Variants in ACSL1 observed in about 807,000 individuals in gnomAD.
The protein encoded by ACSL1 is acyl-CoA synthetase long chain family member 1.
Under a neutral mutation model 98.4 loss-of-function variants are expected in ACSL1, and 41 were observed. That is an observed-to-expected ratio of 0.42 (90% CI 0.32 to 0.54). The LOEUF (loss-of-function observed/expected upper bound fraction) is 0.54. Among genes scored for constraint, ACSL1 ranks in the 20% least tolerant of loss-of-function variants. The pLI is 0.13. For missense variants in ACSL1, 734 were observed against 883.1 expected (o/e 0.83, Z 2.14); for synonymous variants, 316 against 322.7 (o/e 0.98, Z 0.22).
intron 2 of ACSL1, among the ~76,000 whole-genome samples, chr4:184,796,042 T>A (rs1045735942): frequency 1.6e-4 from 25 of 152,172 alleles, no homozygotes; most frequent in African/African-American, 5.8e-4. Flanking sequence ...CAAAGGAGAT[T>A]AACATTTGAG....
chr4:184,800,216 G>A (rs11936062), intron 2 of ACSL1, among the ~76,000 whole-genome samples: 3 of 152,006 alleles, frequency 2.0e-5, no homozygotes, highest in Non-Finnish European at 4.4e-5. Flanking sequence ...CTGTCACTTC[G>A]GTTTTCCATA....
intron 14 of ACSL1, among the ~76,000 whole-genome samples, chr4:184,765,286 G>A (rs1763419316): frequency 6.6e-6 from 1 of 152,186 alleles, no homozygotes; most frequent in African/African-American, 2.4e-5. Context: ...TCAGCATGGT[G>A]TGCGGGTAGG....
rs1359117734 is a variant in ACSL1, at chr4:184,767,007, T to C, written c.1129-251A>G. Among the ~76,000 whole-genome samples, 3 of 151,916 alleles carry C rather than the reference T, an allele frequency of 2.0e-5. No homozygotes were observed. The East Asian group carries it at 5.8e-4, about 29-fold the overall frequency. ...ATCGAGTAGGAATGTGTAGGCCAGG[T>C]GCGGTGGCCCACGCTTGTATTCCCA... is the stretch of plus-strand genomic sequence containing the variant. On this transcript the variant is annotated intron_variant, in intron 12 of 20. Coordinates refer to ENST00000281455, the MANE Select transcript of ACSL1 (RefSeq NM_001995.5).
In ACSL1 at chr4:184,803,237, G is replaced by T; in HGVS notation, c.195+83C>A. The T allele has an allele frequency of 1.6e-6, 2 of 1,239,404 alleles. No homozygotes were observed. The highest frequency in any genetic ancestry group is 1.7e-5 in the South Asian group (1 of 59,210). The allele number at this position is 1,239,404 out of a possible 1,614,324, so 76.8% of individuals were successfully genotyped here. On this transcript the variant is annotated intron_variant, in intron 2 of 20. Transcript: ENST00000281455. This position sits in a 1 kb window ranked among gnomAD's most constrained non-coding sequence, Gnocchi z 4.8. ...CAGTTATAAACAAATATTTGATCTT[G>T]ATGGCTATCACATTCAACAGGGCTC...
intron 1 of ACSL1, among the ~76,000 whole-genome samples, chr4:184,822,187 T>A (rs1254844808): frequency 6.6e-5 from 10 of 151,894 alleles, no homozygotes; most frequent in Non-Finnish European, 1.5e-4. Flanking sequence ...AGAGATGGGG[T>A]CTTGCTCTGT....
chr4:184,788,416 T>C (rs1329968969), intron 3 of ACSL1: 2 of 672,252 alleles, frequency 3.0e-6, no homozygotes, highest in African/African-American at 3.5e-5. Context: ...TATTTGACCA[T>C]GGAGCCCCCA....
chr4:184,773,076 G>A lies in ACSL1; in HGVS notation c.915+5C>T, dbSNP rs777504021. 1.2e-6 allele frequency: 2 copies of A among 1,613,140 alleles called. No homozygotes were observed. The highest frequency in any genetic ancestry group is 1.3e-5 in the African/African-American group (1 of 74,904). On this transcript the variant is annotated splice_donor_5th_base_variant and intron_variant, in intron 10 of 20. Transcript: ENST00000281455. This position sits in a 1 kb window ranked among gnomAD's most constrained non-coding sequence, Gnocchi z 4.3. The stretch of plus-strand genomic sequence containing the variant: ...AGGAAAGATGACGACATCCCAAAAA[G>A]TTACCTCTGTTGCTTTCACAAAAGC...
chr4:184,764,753 A>G, intron 15 of ACSL1, 100 bp downstream of exon 15: 1 of 1,067,070 alleles, frequency 9.4e-7, no homozygotes, highest in Non-Finnish European at 1.3e-6. Flanking sequence ...CTTTTGTTTA[A>G]GATGGTTAAT....
chr4:184,773,347 G>A lies in ACSL1; in HGVS notation c.842-193C>T, dbSNP rs1172510717. ...ATCTTTAAAAACCTTTATTAATATG[G>A]GCACATTTTAAAGGGTATATACGTA... On this transcript the variant is annotated intron_variant, in intron 9 of 20. Coordinates refer to ENST00000281455, the MANE Select transcript of ACSL1 (RefSeq NM_001995.5). The surrounding 1 kb of genome is among the most constrained non-coding windows in gnomAD (Gnocchi z 4.3). 6.6e-6 allele frequency among the ~76,000 whole-genome samples: 1 copy of A among 151,996 alleles called. No homozygotes were observed. The highest frequency in any genetic ancestry group is 2.4e-5 in the African/African-American group (1 of 41,358).
intron 1 of ACSL1, among the ~76,000 whole-genome samples, chr4:184,808,859 G>C (rs907197615): frequency 2.6e-5 from 4 of 152,318 alleles, no homozygotes; most frequent in Non-Finnish European, 4.4e-5. Context: ...GGAAAGCAGA[G>C]GTTGCTGTCC....
intron 1 of ACSL1, among the ~76,000 whole-genome samples, chr4:184,819,242 A>T (rs573800412): frequency 6.6e-6 from 1 of 150,944 alleles, no homozygotes; most frequent in South Asian, 2.1e-4. Context: ...TCCCAGGCTC[A>T]AGGGATTCTC....
intron 1 of ACSL1, among the ~76,000 whole-genome samples, chr4:184,819,225 C>G (rs1287847781): frequency 1.3e-5 from 2 of 151,602 alleles, no homozygotes; most frequent in Non-Finnish European, 2.9e-5. Flanking sequence ...TCACTGCAAC[C>G]TCTGCCTCCC....
intron 2 of ACSL1, chr4:184,798,149 G>A (rs979986062): frequency 6.6e-6 from 1 of 152,188 alleles, no homozygotes; most frequent in African/African-American, 2.4e-5. Flanking sequence ...TGTAAGATAT[G>A]AACCCATGCT....
At chr4:184,795,395 G>A (rs1006998509) in intron 2 of ACSL1, among the ~76,000 whole-genome samples, 5 of 152,206 alleles carry the variant, frequency 3.3e-5, no homozygotes, top group African/African-American at 1.2e-4. Context: ...TGTGAGAAGC[G>A]ACATCATTTG....
intron 2 of ACSL1, among the ~76,000 whole-genome samples, chr4:184,795,046 AT>A (rs1210287645): frequency 6.6e-6 from 1 of 152,166 alleles, no homozygotes; most frequent in Non-Finnish European, 1.5e-5. Context: ...AGGGAAGAAA[AT>A]TTGAAGTCAC....
chr4:184,809,777 C>A (rs1013160851), intron 1 of ACSL1, among the ~76,000 whole-genome samples: 1 of 152,208 alleles, frequency 6.6e-6, no homozygotes, highest in African/African-American at 2.4e-5. Context: ...GCCTGGGCGA[C>A]AGAGCGAGAC....
intron 1 of ACSL1, chr4:184,821,443 G>A (rs959644996): frequency 1.8e-5 from 3 of 169,478 alleles, no homozygotes; most frequent in African/African-American, 7.2e-5. Context: ...TGAGGAAATG[G>A]TCTACAGGCA....
intron 18 of ACSL1, chr4:184,758,854 C>T (rs1222288671): frequency 6.6e-6 from 1 of 150,662 alleles, no homozygotes; most frequent in African/African-American, 2.4e-5. Context: ...CCTGTTAACT[C>T]GTCATTTAAC....
rs756826258 is a variant in ACSL1 at position 184,765,875 on chromosome 4, G to A, written c.1359+16C>T. ...TCCTAGTGTGGGAGAATCAGGCGCCGTGACATCCACCTCACCTGACAGCCC... is the reference window on the plus strand; with the variant it reads ...TCCTAGTGTGGGAGAATCAGGCGCCATGACATCCACCTCACCTGACAGCCC... On this transcript the variant is annotated intron_variant, in intron 14 of 20. Coordinates refer to ENST00000281455, the MANE Select transcript of ACSL1 (RefSeq NM_001995.5). 33 of 1,608,992 alleles carry A rather than the reference G, an allele frequency of 2.1e-5. No individual in the cohort carries two copies. Among genetic ancestry groups the A allele is most frequent in the African/African-American group, 8.0e-5 (6 of 74,802 alleles).
Sources: gnomAD v4.1 joint callset for allele counts (sites outside exome capture counted in the v4.1 genomes callset) on GRCh38, gnomAD v4.1.1 for gene constraint, Gnocchi (gnomAD v3.1) non-coding constraint, MANE v1.5 for transcripts, NCBI Gene and HGNC (gene_info 2026-07-23, HGNC 2026-07-21) for gene names.